The following SYNC variants were observed in gnomAD, a reference collection of about 807,000 sequenced individuals.
SYNC encodes the protein syncoilin, intermediate filament protein, also known as syncoilin.
In SYNC, 38 loss-of-function variants were observed where a neutral mutation model predicts 49.5. The observed-to-expected ratio is 0.77, with a 90% CI of 0.59 to 1.01. The LOEUF is 1.01. Ranked by LOEUF, SYNC falls within the 50% of genes least tolerant of loss-of-function variation. The pLI is 0.00. For missense variants in SYNC, 579 were observed against 580.6 expected (o/e 1.00, Z 0.03); for synonymous variants, 201 against 230.8 (o/e 0.87, Z 1.17).
At chr1:32,699,802 C>T (rs1378929659) in intron 1 of SYNC, among the ~76,000 whole-genome samples, 2 of 150,106 alleles carry the variant, frequency 1.3e-5, no homozygotes, top group Admixed American at 6.7e-5. Flanking sequence ...GGTGCAATCT[C>T]GGCTCACTGC....
Position 32,695,121 on chromosome 1 carries a change from G to A in SYNC, c.977C>T (p.Ala326Val). ...HFLQESRRLS[A>V]QFENLMAESR... ...CTCTGCCATGAGATTTTCAAACTGG[G>A]CAGAGAGTCGCCGGCTTTCCTGGAG... Residue 326 changes from alanine to valine, a missense_variant, in exon 2 of 5, where the codon GCC becomes GTC. Ala to Val is a moderately conservative substitution (Grantham distance 64). Transcript: ENST00000409190. 2 of 1,611,848 alleles carry A rather than the reference G, an allele frequency of 1.2e-6. No homozygotes were observed. Among genetic ancestry groups the A allele is most frequent in the Non-Finnish European group, 1.7e-6 (2 of 1,179,214 alleles).
In SYNC at chr1:32,694,580, G is replaced by A. The variant is rs193264776; in HGVS notation, c.1233+285C>T. ...GAGGCAGGAGAATGGCATGAACCCA[G>A]GAGGCAGAGCTTGTAGTGAGCTGAG... On this transcript the variant is annotated intron_variant, in intron 2 of 4. Coordinates refer to ENST00000409190, the MANE Select transcript of SYNC (RefSeq NM_030786.3). Among the ~76,000 whole-genome samples, 39 of 152,114 alleles carry A rather than the reference G, an allele frequency of 2.6e-4. No homozygotes were observed. The South Asian group carries it at 4.1e-3, about 16-fold the overall frequency.
chr1:32,690,925 A>G (rs1650129666), intron 2 of SYNC, among the ~76,000 whole-genome samples: 1 of 151,918 alleles, frequency 6.6e-6, no homozygotes, highest in South Asian at 2.1e-4. Flanking sequence ...CGTCCCTACT[A>G]TACAAACAAT....
intron 1 of SYNC, among the ~76,000 whole-genome samples, chr1:32,698,805 G>T (rs1181569769): frequency 1.3e-5 from 2 of 149,238 alleles, no homozygotes; most frequent in African/African-American, 4.9e-5. Context: ...TTTTGAGATG[G>T]AGTCTCCCTC....
intron 1 of SYNC, among the ~76,000 whole-genome samples, chr1:32,698,540 C>G (rs988466760): frequency 7.2e-5 from 11 of 152,006 alleles, no homozygotes; most frequent in African/African-American, 2.7e-4. Flanking sequence ...TTTTTCATAC[C>G]AAGTGCTTGT....
In SYNC at chr1:32,684,126, G is replaced by C. The variant is rs139922421; in HGVS notation, c.1359-37C>G. On this transcript the variant is annotated intron_variant, in intron 3 of 4. Coordinates refer to ENST00000409190, the MANE Select transcript of SYNC (RefSeq NM_030786.3). ...GAGAGCCATTTTCCATGTGTTTTTG[G>C]ATAAGCACAATTTGAAAATCATTTC... 115 of 1,608,522 alleles carry C rather than the reference G, an allele frequency of 7.1e-5. No homozygotes were observed. In the East Asian group the frequency reaches 2.5e-3, roughly 35 times the overall value.
Position 32,696,014 on chromosome 1 carries a change from A to G in SYNC, c.84T>C (p.Leu28=), listed in dbSNP as rs1650413592. ...CATTTAGGGATCCAGAGTTCTTTGG[A>G]AGAGGAGAATTGGCCTCTACTCTTG... The part of the protein sequence containing the change: ...RKTRVEANSP[L]PKNSGSLNEA... Residue 28 remains leucine (L), a synonymous_variant, in exon 2 of 5, where the codon CTT becomes CTC. Transcript: ENST00000409190. 2 of 1,538,386 alleles carry G rather than the reference A, an allele frequency of 1.3e-6. No individual in the cohort carries two copies. Among genetic ancestry groups the G allele is most frequent in the African/African-American group, 1.4e-5 (1 of 72,976 alleles).
intron 4 of SYNC, chr1:32,682,172 T>C: frequency 3.2e-6 from 1 of 310,726 alleles, no homozygotes. Flanking sequence ...AACACAAAGG[T>C]AGTTAGTAGA....
chr1:32,684,432 C>CA, intron 2 of SYNC, 50 bp from the exon 3 acceptor site: 1 of 1,612,214 alleles, frequency 6.2e-7, no homozygotes, highest in Non-Finnish European at 8.5e-7. Context: ...AATAAAAACT[C>CA]ACATTGTCCA....
At chr1:32,699,728 C>CTTT (rs58903413) in intron 1 of SYNC, among the ~76,000 whole-genome samples, 10 of 125,980 alleles carry the variant, frequency 7.9e-5, no homozygotes, top group African/African-American at 5.8e-5. Flanking sequence ...CCAAACATAC[C>CTTT]TTTTTTTTTT....
In SYNC at chr1:32,684,290, C is replaced by A; in HGVS notation, c.1326G>T (p.Arg442Ser). 6.2e-7 allele frequency: 1 copy of A among 1,614,182 alleles called. No homozygotes were observed. The highest frequency in any genetic ancestry group is 1.7e-5 in the Admixed American group (1 of 60,024). Residue 442 changes from arginine to serine, a missense_variant, in exon 3 of 5, where the codon AGG (arginine) becomes AGT (serine). Physicochemically the swap from Arg to Ser is moderately radical, Grantham distance 110. Transcript: ENST00000409190. ...TAGAGAGCTCTTCAGCAAGACTGAG[C>A]CTTAGCTGTTCCATCTCTTTGTTCT... Reference protein sequence around the residue: ...QQKNKEMEQLRLSLAEELSTY... With the variant: ...QQKNKEMEQLSLSLAEELSTY...
chr1:32,687,277 C>G (rs1177840922), intron 2 of SYNC, among the ~76,000 whole-genome samples: 4 of 148,202 alleles, frequency 2.7e-5, no homozygotes, highest in South Asian at 2.1e-4. Context: ...AGGAGAATTG[C>G]TTGAACCTGG....
At chr1:32,687,464 AGATCAAAACCATCCCG>A (rs1161419316) in intron 2 of SYNC, among the ~76,000 whole-genome samples, 2 of 151,980 alleles carry the variant, frequency 1.3e-5, no homozygotes, top group Non-Finnish European at 2.9e-5. Context: ...CGAGGTCAAG[AGATCAAAACCATCCCG>A]GCCAACGTGG....
intron 1 of SYNC, among the ~76,000 whole-genome samples, chr1:32,697,305 G>A (rs371402833): frequency 1.3e-5 from 2 of 151,356 alleles, no homozygotes; most frequent in African/African-American, 2.4e-5. Context: ...GCCGGGCGTG[G>A]TGGTGCATGC....
In SYNC at chr1:32,680,687, A is replaced by G; in HGVS notation, c.*1163T>C. The G allele has an allele frequency of 1.4e-6, 1 of 740,688 alleles. No individual in the cohort carries two copies. The highest frequency in any genetic ancestry group is 2.1e-5 in the South Asian group (1 of 48,034). 45.9% of individuals were successfully genotyped at this position (740,688 alleles called of 1,614,324 possible). A position where few individuals can be genotyped will look rare whatever the true frequency, so the allele number is the denominator to read the frequency against. On this transcript the variant is annotated 3_prime_UTR_variant, in exon 5 of 5. Transcript: ENST00000409190. ...TGATGGGTTTTATTTAGTATAAAAC[A>G]TCCATCAAACACCAGTCTCTGGCTT... is the stretch of plus-strand genomic sequence containing the variant.
chr1:32,693,283 A>G (rs949406057), intron 2 of SYNC, among the ~76,000 whole-genome samples: 2 of 152,034 alleles, frequency 1.3e-5, no homozygotes, highest in Non-Finnish European at 2.9e-5. Context: ...GGGTTTCACC[A>G]TATTGGCTAT....
At chr1:32,691,212 C>A (rs1460924326) in intron 2 of SYNC, among the ~76,000 whole-genome samples, 1 of 141,288 alleles carries the variant, frequency 7.1e-6, no homozygotes, top group Non-Finnish European at 1.5e-5. Flanking sequence ...AGCGAGACTC[C>A]TTCTCAAAAA....
intron 2 of SYNC, among the ~76,000 whole-genome samples, chr1:32,691,477 T>G (rs1570912931): frequency 6.7e-6 from 1 of 148,806 alleles, no homozygotes; most frequent in East Asian, 2.0e-4. Context: ...TGCTTGAACC[T>G]GGGAAGTGGA....
chr1:32,696,157 A>G (rs1208943072), intron 1 of SYNC, 113 bp from the exon 2 acceptor site: 12 of 811,538 alleles, frequency 1.5e-5, no homozygotes, highest in Admixed American at 1.4e-4. Flanking sequence ...GTCAGCAGCC[A>G]TTCGTCTGCT....
Sources: allele counts gnomAD v4.1 joint callset (sites outside exome capture counted in the v4.1 genomes callset), GRCh38; gene constraint gnomAD v4.1.1; transcripts MANE v1.5; gene names NCBI Gene and HGNC (gene_info 2026-07-23, HGNC 2026-07-21).